Variants in TTLL5 observed in about 807,000 individuals in gnomAD.
The protein encoded by TTLL5 is tubulin polyglutamylase TTLL5.
Under a neutral mutation model 168.4 loss-of-function variants are expected in TTLL5, and 132 were observed. The ratio of observed to expected loss-of-function variants is 0.78; its 90% CI spans 0.68 to 0.91. The LOEUF is 0.91. Among genes scored for constraint, TTLL5 ranks in the 40% least tolerant of loss-of-function variants. TTLL5 has a pLI of 0.00. For missense variants in TTLL5, 1,545 were observed against 1,581.5 expected, an observed-to-expected ratio of 0.98 and a Z score of 0.39; for synonymous variants, 546 against 558.6, an observed-to-expected ratio of 0.98 and a Z score of 0.32.
intron 31 of TTLL5, among the ~76,000 whole-genome samples, chr14:75,928,352 T>TATATATATATATATATAC (rs2034151003): frequency 8.1e-6 from 1 of 123,350 alleles, no homozygotes; most frequent in African/African-American, 3.7e-5. Context: ...CATATATATA[T>TATATATATATATATATAC]ATATATATAT....
At chr14:75,757,588 T>C (rs1008789288) in intron 18 of TTLL5, among the ~76,000 whole-genome samples, 2 of 152,250 alleles carry the variant, frequency 1.3e-5, no homozygotes, top group Non-Finnish European at 2.9e-5. Flanking sequence ...ATAATTATTA[T>C]AATTTTTCTC....
At chr14:75,809,651 C>A (rs1306322632) in intron 27 of TTLL5, among the ~76,000 whole-genome samples, 1 of 152,128 alleles carries the variant, frequency 6.6e-6, no homozygotes, top group South Asian at 2.1e-4. Context: ...ACTATACTTT[C>A]GAATACTAGA....
intron 30 of TTLL5, among the ~76,000 whole-genome samples, chr14:75,884,980 C>T (rs534741837): frequency 6.7e-6 from 1 of 150,304 alleles, no homozygotes; most frequent in South Asian, 2.1e-4. Flanking sequence ...ACCATCCTGG[C>T]CAACATGGTG....
At chr14:75,853,520 G>A (rs1440525624) in intron 28 of TTLL5, among the ~76,000 whole-genome samples, 1 of 152,176 alleles carries the variant, frequency 6.6e-6, no homozygotes, top group Non-Finnish European at 1.5e-5. Context: ...TCCAATAAAT[G>A]TGGATTGAAT....
intron 17 of TTLL5, 142 bp downstream of exon 17, chr14:75,745,723 G>A (rs1203836421): frequency 9.0e-6 from 6 of 665,200 alleles, no homozygotes; most frequent in African/African-American, 5.5e-5. Flanking sequence ...TATCCAACCC[G>A]AGAACTAGAT....
intron 29 of TTLL5, among the ~76,000 whole-genome samples, chr14:75,874,010 G>C (rs1382378164): frequency 6.6e-6 from 1 of 152,136 alleles, no homozygotes; most frequent in East Asian, 1.9e-4. Context: ...AAATTAATTT[G>C]TTCATAATTA....
chr14:75,825,537 A>G (rs922767391), intron 28 of TTLL5, among the ~76,000 whole-genome samples: 1 of 152,004 alleles, frequency 6.6e-6, no homozygotes, highest in Admixed American at 6.6e-5. Flanking sequence ...TTTTCCATCT[A>G]TCCTGGGGGT....
At chr14:75,758,934 A>G (rs1385200556) in intron 18 of TTLL5, among the ~76,000 whole-genome samples, 2 of 152,148 alleles carry the variant, frequency 1.3e-5, no homozygotes, top group African/African-American at 2.4e-5. Flanking sequence ...AAAATTGAGG[A>G]CTGAGATCAC....
intron 29 of TTLL5, among the ~76,000 whole-genome samples, chr14:75,869,134 T>C (rs1402557059): frequency 6.6e-6 from 1 of 151,672 alleles, no homozygotes; most frequent in African/African-American, 2.4e-5. Context: ...TTTTGTTTGG[T>C]TGGTTCTTTT....
At chr14:75,770,179 GAAAAAAA>G (rs56876692) in intron 20 of TTLL5, among the ~76,000 whole-genome samples, 4 of 85,030 alleles carry the variant, frequency 4.7e-5, no homozygotes, top group East Asian at 3.5e-4. Context: ...ACTCTGTCTC[GAAAAAAA>G]AAAAAAAAAA....
At chr14:75,914,933 CTT>C (rs1208342350) in intron 31 of TTLL5, among the ~76,000 whole-genome samples, 1 of 152,140 alleles carries the variant, frequency 6.6e-6, no homozygotes, top group Non-Finnish European at 1.5e-5. Flanking sequence ...GATCGCTACT[CTT>C]TAGATAACAA....
intron 30 of TTLL5, chr14:75,886,694 A>G (rs1463163202): frequency 1.3e-6 from 2 of 1,597,694 alleles, no homozygotes; most frequent in Non-Finnish European, 1.7e-6. Flanking sequence ...ACACTTCATA[A>G]TTTAGTACCC....
At chr14:75,679,209 A>G (rs1339363813) in intron 3 of TTLL5, among the ~76,000 whole-genome samples, 3 of 152,226 alleles carry the variant, frequency 2.0e-5, no homozygotes, top group African/African-American at 7.2e-5. Flanking sequence ...ATCCTGGACT[A>G]TCCAAGTGGG....
At position 75,764,623 on chromosome 14, in the gene TTLL5, C is replaced by CT. The variant is rs1400806789; in HGVS notation, c.1560dup (p.Asp521Ter). The CT allele has an allele frequency of 6.2e-7, 1 of 1,614,038 alleles. No individual in the cohort carries two copies. The highest frequency in any genetic ancestry group is 8.5e-7 in the Non-Finnish European group (1 of 1,179,914). ...TGTTGCTTTTCCCCTAGAATGACTG[C>CT]TGATGGAGCGCCAGAATTGAAGATA... On this transcript the variant is annotated frameshift_variant, in exon 19 of 32. Transcript: ENST00000298832. LOFTEE classifies it high-confidence loss of function.
intron 29 of TTLL5, among the ~76,000 whole-genome samples, chr14:75,864,340 G>A (rs542525193): frequency 2.6e-5 from 4 of 152,160 alleles, no homozygotes; most frequent in Admixed American, 6.5e-5. Context: ...GTGGGAAATG[G>A]ACATATGTTA....
At chr14:75,673,127 G>A (rs1566809066) in intron 3 of TTLL5, among the ~76,000 whole-genome samples, 6 of 151,278 alleles carry the variant, frequency 4.0e-5, no homozygotes, top group Admixed American at 2.6e-4. Context: ...AAAGCTTTTT[G>A]TAGAGATGGG....
intron 29 of TTLL5, among the ~76,000 whole-genome samples, chr14:75,875,474 G>A (rs1321151962): frequency 6.6e-6 from 1 of 151,194 alleles, no homozygotes; most frequent in Non-Finnish European, 1.5e-5. Flanking sequence ...GCTTGGAGTC[G>A]GAGGTTGCAG....
Position 75,783,505 on chromosome 14 carries a change from G to T in TTLL5, c.2961G>T (p.Leu987=). 6.2e-7 allele frequency: 1 copy of T among 1,613,954 alleles called. No individual in the cohort carries two copies. Among genetic ancestry groups the T allele is most frequent in the African/African-American group, 1.3e-5 (1 of 75,048 alleles). Residue 987 remains leucine (L), a synonymous_variant, in exon 26 of 32, where the codon CTG becomes CTT. Transcript: ENST00000298832. ...QSAAHIYSQK[L]SRPSSAKAGS... ...CTGCACACATCTATAGCCAGAAACT[G>T]TCTCGTCCCTCTTCAGCAAAGGCAG...
chr14:75,762,974 T>G (rs968424150), intron 18 of TTLL5, among the ~76,000 whole-genome samples: 1 of 152,154 alleles, frequency 6.6e-6, no homozygotes, highest in East Asian at 1.9e-4. Context: ...ATTAGGATGA[T>G]CTCAAACATT....
Sources: gnomAD v4.1 joint callset for allele counts (sites outside exome capture counted in the v4.1 genomes callset) on GRCh38, gnomAD v4.1.1 for gene constraint, MANE v1.5 for transcripts, NCBI Gene and HGNC (gene_info 2026-07-23, HGNC 2026-07-21) for gene names.